Variants in NOTCH4 observed in about 807,000 individuals in gnomAD.
NOTCH4 encodes the protein neurogenic locus notch homolog protein 4.
A neutral mutation model predicts 189.0 loss-of-function variants in NOTCH4; 138 were observed. The ratio of observed to expected loss-of-function variants is 0.73; its 90% CI spans 0.64 to 0.84. The LOEUF is 0.84. Among genes scored for constraint, NOTCH4 ranks in the 40% least tolerant of loss-of-function variants. The pLI is 0.00. For synonymous variants in NOTCH4, 942 were observed against 1,032.8 expected, an observed-to-expected ratio of 0.91 and a Z score of 1.69; for missense variants, 2,286 against 2,605.4, an observed-to-expected ratio of 0.88 and a Z score of 2.67.
chr6:32,222,394 A>C, intron 3 of NOTCH4, 117 bp downstream of exon 3: 2 of 898,564 alleles, frequency 2.2e-6, no homozygotes. Flanking sequence ...GTTGATTCTC[A>C]TGGCTTCTGT....
At chr6:32,211,623 A>G (rs2127476335) in intron 17 of NOTCH4, among the ~76,000 whole-genome samples, 1 of 151,350 alleles carries the variant, frequency 6.6e-6, no homozygotes, top group East Asian at 1.9e-4. Flanking sequence ...ATAAATAAAT[A>G]AATAAATAAA....
At position 32,196,132 on chromosome 6, in the gene NOTCH4, G is replaced by A; in HGVS notation, c.5317C>T (p.Leu1773=). 3.1e-6 allele frequency: 5 copies of A among 1,590,080 alleles called. No individual in the cohort carries two copies. The highest frequency in any genetic ancestry group is 4.3e-6 in the Non-Finnish European group (5 of 1,174,990). Reference sequence around the variant, plus strand: ...TCCACCGCTCCTTCCCGCGCCGCCAGGAATAGCGGCGTCTGCTCCTGTACA... The same window carrying A: ...TCCACCGCTCCTTCCCGCGCCGCCAAGAATAGCGGCGTCTGCTCCTGTACA... ...QDNREQTPLF[L]AAREGAVEVA... is the part of the protein sequence containing the mutation. Residue 1773 remains leucine (L), a synonymous_variant, in exon 30 of 30, where the codon CTG becomes TTG. Coordinates refer to ENST00000375023, the MANE Select transcript of NOTCH4 (RefSeq NM_004557.4).
Position 32,200,879 on chromosome 6 carries a change from GC to G in NOTCH4, c.4266del (p.Glu1422AspfsTer36). On this transcript the variant is annotated frameshift_variant, in exon 23 of 30. Coordinates refer to ENST00000375023, the MANE Select transcript of NOTCH4 (RefSeq NM_004557.4). LOFTEE classifies it high-confidence loss of function. The surrounding 1 kb of genome is among the most constrained non-coding windows in gnomAD (Gnocchi z 5.0). ...LAAMAAVGAL[E>X]PLLPGPLLAV... ...GCCAGCAGTGGTCCAGGCAGCAGGG[GC>G]TCCAGGGCTCCCACTGCAGCCATCG... 1 of 1,608,998 alleles carries G rather than the reference GC, an allele frequency of 6.2e-7. No individual in the cohort carries two copies. The highest frequency in any genetic ancestry group is 8.5e-7 in the Non-Finnish European group (1 of 1,178,184).
Position 32,202,012 on chromosome 6 carries a change from A to G in NOTCH4, c.3755+64T>C. ...GCCACACTGTAACTCAGAGCCATCT[A>G]CGTCCTTCCTCCTCCTCTCACCCAC... On this transcript the variant is annotated intron_variant, in intron 21 of 29. Coordinates refer to ENST00000375023, the MANE Select transcript of NOTCH4 (RefSeq NM_004557.4). This position sits in a 1 kb window ranked among gnomAD's most constrained non-coding sequence, Gnocchi z 5.7. The G allele has an allele frequency of 1.4e-6, 2 of 1,388,870 alleles. No homozygotes were observed. The highest frequency in any genetic ancestry group is 9.5e-7 in the Non-Finnish European group (1 of 1,058,102). The allele number at this position is 1,388,870 out of a possible 1,614,324, so 86.0% of individuals were successfully genotyped here.
At chr6:32,223,510 T>A (rs2127492358) in intron 1 of NOTCH4, among the ~76,000 whole-genome samples, 1 of 152,070 alleles carries the variant, frequency 6.6e-6, no homozygotes, top group Non-Finnish European at 1.5e-5. Context: ...CATGTCCCCA[T>A]CTCCTGCTTC....
At chr6:32,216,551 G>T (rs929905282) in intron 11 of NOTCH4, 7 of 321,316 alleles carry the variant, frequency 2.2e-5, no homozygotes, top group Non-Finnish European at 3.0e-5. Flanking sequence ...TGTGGGCTAT[G>T]ATCAACAGGA....
Position 32,196,370 on chromosome 6 carries a change from C to T in NOTCH4, c.5252G>A (p.Arg1751His), listed in dbSNP as rs766024606. ...ATCGGCTCCGGCCTGGAGAAGCGAGCGGGCGGCTCGGGCGTTGTTCACGGC... is the reference window on the plus strand; with the variant it reads ...ATCGGCTCCGGCCTGGAGAAGCGAGTGGGCGGCTCGGGCGTTGTTCACGGC... ...AAAVNNARAARSLLQAGADKD... is the reference protein window; with the variant it reads ...AAAVNNARAAHSLLQAGADKD... The change falls in exon 29 of 30, where the codon CGC (arginine) becomes CAC (histidine). Residue 1751 changes from arginine (R) to histidine (H), a missense_variant. By Grantham distance (29) the Arg-to-His change is conservative. Transcript: ENST00000375023. The T allele has an allele frequency of 1.3e-5, 21 of 1,613,146 alleles. No homozygotes were observed. The South Asian group carries it at 2.2e-4, about 17-fold the overall frequency.
Position 32,212,296 on chromosome 6 carries a change from A to G in NOTCH4, c.2680+178T>C, listed in dbSNP as rs551811135. 1.3e-5 allele frequency among the ~76,000 whole-genome samples: 2 copies of G among 152,254 alleles called. No homozygotes were observed. Among genetic ancestry groups the G allele is most frequent in the South Asian group, 2.1e-4 (1 of 4,822 alleles). ...TAAATGAGGTAACAGGAATTGTGTT[A>G]GGCTTCTCTGATTGCACAATTCAAC... On this transcript the variant is annotated intron_variant, in intron 17 of 29. Coordinates refer to ENST00000375023, the MANE Select transcript of NOTCH4 (RefSeq NM_004557.4). This position sits in a 1 kb window ranked among gnomAD's most constrained non-coding sequence, Gnocchi z 4.4.
At position 32,195,112 on chromosome 6, in the gene NOTCH4, A is replaced by G; in HGVS notation, c.*325T>C. ...GGGGCACCCTTTGGAAACCATATAT[A>G]GGAAAGAACATCTTACATCCCATAT... On this transcript the variant is annotated 3_prime_UTR_variant, in exon 30 of 30. Transcript: ENST00000375023. The surrounding 1 kb of genome is among the most constrained non-coding windows in gnomAD (Gnocchi z 5.4). 2.8e-6 allele frequency: 1 copy of G among 358,970 alleles called. No individual in the cohort carries two copies. The highest frequency in any genetic ancestry group is 5.1e-6 in the Non-Finnish European group (1 of 197,272). 22.2% of individuals were successfully genotyped at this position (358,970 alleles called of 1,614,324 possible).
Position 32,222,650 on chromosome 6 carries a change from A to G in NOTCH4, c.312T>C (p.Thr104=), listed in dbSNP as rs1283093408. ...TCTCACCAGTGAAGCCAGGGAGGCA[A>G]GTGCACAAGAAGCTGGGTGTCAATG... ...PSPLTPSFLC[T]CLPGFTGERC... Residue 104 remains threonine (T), a synonymous_variant, in exon 3 of 30, where the codon ACT becomes ACC. Coordinates refer to ENST00000375023, the MANE Select transcript of NOTCH4 (RefSeq NM_004557.4). 6.2e-7 allele frequency: 1 copy of G among 1,606,582 alleles called. No homozygotes were observed.
chr6:32,203,264 G>A (rs1788467180), intron 20 of NOTCH4: 2 of 153,420 alleles, frequency 1.3e-5, no homozygotes, highest in African/African-American at 4.8e-5. Flanking sequence ...TCTTCCTCTG[G>A]AGAGGGAACA....
chr6:32,203,505 C>A (rs1394595821), intron 20 of NOTCH4: 6 of 494,840 alleles, frequency 1.2e-5, no homozygotes, highest in Non-Finnish European at 2.1e-5. Flanking sequence ...CTGAGGCCAC[C>A]CACCACGCAG....
chr6:32,220,853 C>T lies in NOTCH4; in HGVS notation c.825G>A (p.Val275=). Residue 275 remains valine (V), a synonymous_variant, in exon 5 of 30, where the codon GTG becomes GTA. Coordinates refer to ENST00000375023, the MANE Select transcript of NOTCH4 (RefSeq NM_004557.4). ...GGTGGCTGACACAGTTGTCTGGATTCACCTCACAGTCTGGGCCTATGAAAC... is the reference window on the plus strand; with the variant it reads ...GGTGGCTGACACAGTTGTCTGGATTTACCTCACAGTCTGGGCCTATGAAAC... ...PPGFIGPDCE[V]NPDNCVSHQC... is the part of the protein sequence containing the mutation. 6.2e-7 allele frequency: 1 copy of T among 1,614,066 alleles called. No individual in the cohort carries two copies. Among genetic ancestry groups the T allele is most frequent in the Admixed American group, 1.7e-5 (1 of 60,016 alleles).
chr6:32,214,061 C>A (rs772735939), intron 13 of NOTCH4, 49 bp downstream of exon 13: 2 of 1,573,792 alleles, frequency 1.3e-6, no homozygotes, highest in African/African-American at 2.7e-5. Context: ...TTACCCTTGA[C>A]ATAGGGGGTG....
chr6:32,214,631 ATTT>A (rs9279511), intron 12 of NOTCH4, among the ~76,000 whole-genome samples: 1 of 146,076 alleles, frequency 6.8e-6, no homozygotes. Context: ...TGCTCAGCAG[ATTT>A]TTTTTTTTTT....
At chr6:32,216,140 C>T (rs183630690) in intron 11 of NOTCH4, 2 of 152,418 alleles carry the variant, frequency 1.3e-5, no homozygotes, top group African/African-American at 4.8e-5. Flanking sequence ...CATTCTCCTG[C>T]CTCAGCCTCT....
chr6:32,203,873 C>T lies in NOTCH4; in HGVS notation c.3128G>A (p.Cys1043Tyr). The T allele has an allele frequency of 1.9e-6, 3 of 1,555,380 alleles. No homozygotes were observed. The highest frequency in any genetic ancestry group is 1.2e-5 in the South Asian group (1 of 84,440). Residue 1043 changes from cysteine (C) to tyrosine (Y), a missense_variant, in exon 20 of 30, where the codon TGT becomes TAT. Coordinates refer to ENST00000375023, the MANE Select transcript of NOTCH4 (RefSeq NM_004557.4). ...GTGGCAGGGGTCTATCTCCACCTCA[C>T]ACCACTGGCCTGTAATTATGGGGGA... The part of the protein sequence containing the change: ...QCLPGHTGQW[C>Y]EVEIDPCHSQ...
At position 32,196,278 on chromosome 6, in the gene NOTCH4, C is replaced by G. The variant is rs370085599; in HGVS notation, c.5298+46G>C. 4 of 1,612,980 alleles carry G rather than the reference C, an allele frequency of 2.5e-6. No homozygotes were observed. In the African/African-American group the frequency reaches 5.3e-5, roughly 22 times the overall value. On this transcript the variant is annotated intron_variant, in intron 29 of 29. Transcript: ENST00000375023. ...TTGCGGGTTACCGCACTTTCCATCT[C>G]TCGTGCGCCTGACTGTTTTGTGGGA...
rs887342445 is a variant in NOTCH4, at chr6:32,210,838, A to G, written c.2779T>C (p.Cys927Arg). Residue 927 changes from cysteine to arginine, a missense_variant, in exon 18 of 30, where the codon TGC becomes CGC. Physicochemically the swap from Cys to Arg is radical, Grantham distance 180. This residue lies in a region of NOTCH4 where 1,903 missense variants were observed against 2,261.9 expected (regional missense o/e 0.84). Coordinates refer to ENST00000375023, the MANE Select transcript of NOTCH4 (RefSeq NM_004557.4). The surrounding 1 kb of genome is among the most constrained non-coding windows in gnomAD (Gnocchi z 4.8). ...TCACATGGGTTCACGTGATCCTGGCACAGGCTGCCTTGGAATCCAGGGGGG... is the reference window on the plus strand; with the variant it reads ...TCACATGGGTTCACGTGATCCTGGCGCAGGCTGCCTTGGAATCCAGGGGGG... ...HCPPGFQGSLCQDHVNPCESR... is the reference protein window; with the variant it reads ...HCPPGFQGSLRQDHVNPCESR... The G allele has an allele frequency of 6.2e-7, 1 of 1,613,044 alleles. No homozygotes were observed. Among genetic ancestry groups the G allele is most frequent in the Non-Finnish European group, 8.5e-7 (1 of 1,180,016 alleles).
Sources: allele counts gnomAD v4.1 joint callset (sites outside exome capture counted in the v4.1 genomes callset), GRCh38; gene constraint gnomAD v4.1.1; regional missense constraint gnomAD v4.1.1; non-coding constraint Gnocchi (gnomAD v3.1); transcripts MANE v1.5; gene names NCBI Gene and HGNC (gene_info 2026-07-23, HGNC 2026-07-21).